The following ASAP1 variants were observed in gnomAD, a reference collection of about 807,000 sequenced individuals.
ASAP1 encodes the protein ArfGAP with SH3 domain, ankyrin repeat and PH domain 1.
ASAP1 carries 43 observed loss-of-function variants against 145.2 expected under a neutral mutation model. The ratio of observed to expected loss-of-function variants is 0.30; its 90% CI spans 0.23 to 0.38. The LOEUF is 0.38. Ranked by LOEUF, ASAP1 falls within the 10% of genes least tolerant of loss-of-function variation. The probability of loss-of-function intolerance (pLI) is 1.00; values close to 1 mark genes in which losing one functional copy is unlikely to be tolerated. For synonymous variants in ASAP1, 546 were observed against 515.5 expected, an observed-to-expected ratio of 1.06 and a Z score of -0.80; for missense variants, 1,018 against 1,355.3, an observed-to-expected ratio of 0.75 and a Z score of 3.91.
rs1314327418 is a variant in ASAP1 at position 130,358,489 on chromosome 8, G to T, written c.60-346C>A. ...GGCTGCGCGCGGGGTCTTCGCGGGG[G>T]TCTGGGCTCCGGCCGGCCGCTGGGG... is the stretch of plus-strand genomic sequence containing the variant. On this transcript the variant is annotated intron_variant, in intron 2 of 29. Coordinates refer to ENST00000518721, the MANE Select transcript of ASAP1 (RefSeq NM_018482.4). This position sits in a 1 kb window ranked among gnomAD's most constrained non-coding sequence, Gnocchi z 4.1. Among the ~76,000 whole-genome samples, 1 of 148,164 alleles carries T rather than the reference G, an allele frequency of 6.7e-6. No individual in the cohort carries two copies. Among genetic ancestry groups the T allele is most frequent in the African/African-American group, 2.4e-5 (1 of 41,012 alleles).
intron 1 of ASAP1, among the ~76,000 whole-genome samples, chr8:130,421,746 G>A (rs1829727369): frequency 6.6e-6 from 1 of 152,158 alleles, no homozygotes; most frequent in Admixed American, 6.5e-5. Context: ...CATTTCTTGT[G>A]TTTGAGCCAA....
chr8:130,352,890 A>C (rs1826084295), intron 3 of ASAP1, among the ~76,000 whole-genome samples: 1 of 152,244 alleles, frequency 6.6e-6, no homozygotes, highest in South Asian at 2.1e-4. Flanking sequence ...CCAGGTGAAT[A>C]CATTAAGAAA....
At position 130,183,410 on chromosome 8, in the gene ASAP1, G is replaced by A. The variant is rs1286299050; in HGVS notation, c.531-2530C>T. Among the ~76,000 whole-genome samples the A allele has an allele frequency of 2.0e-5, 3 of 151,898 alleles. No individual in the cohort carries two copies. In the East Asian group the frequency reaches 5.8e-4, roughly 29 times the overall value. On this transcript the variant is annotated intron_variant, in intron 7 of 29. Transcript: ENST00000518721. ...GGCTGGAGTGCAGTGGTCCGATCTC[G>A]GCTCACTACAACCTCTGCCTCCTGG...
chr8:130,110,342 T>C (rs2097544626), intron 24 of ASAP1, among the ~76,000 whole-genome samples: 1 of 152,214 alleles, frequency 6.6e-6, no homozygotes, highest in Non-Finnish European at 1.5e-5. Context: ...CCCACTGCTA[T>C]GTTGGTAACC....
intron 5 of ASAP1, among the ~76,000 whole-genome samples, chr8:130,189,806 T>C (rs1815012853): frequency 6.6e-6 from 1 of 152,248 alleles, no homozygotes. Context: ...CTCTGCATCC[T>C]TGCTAGCATC....
intron 3 of ASAP1, among the ~76,000 whole-genome samples, chr8:130,244,684 G>T (rs1818740337): frequency 1.3e-5 from 2 of 152,182 alleles, no homozygotes; most frequent in Admixed American, 6.5e-5. Context: ...GAAGAGCAAA[G>T]TTAAGTTTCA....
Position 130,205,591 on chromosome 8 carries a change from C to CTTTTT in ASAP1, c.405+8960_405+8964dup, listed in dbSNP as rs10679649. On this transcript the variant is annotated intron_variant, in intron 5 of 29. Coordinates refer to ENST00000518721, the MANE Select transcript of ASAP1 (RefSeq NM_018482.4). The stretch of plus-strand genomic sequence containing the variant: ...GCATATATATATATAAAATACACGG[C>CTTTTT]TTTTTTTTTTTTTTTTTTAGCTTAA... Among the ~76,000 whole-genome samples, 135 of 119,212 alleles carry CTTTTT rather than the reference C, an allele frequency of 1.1e-3. 3 individuals are homozygous for CTTTTT. Among genetic ancestry groups the CTTTTT allele is most frequent in the Non-Finnish European group, 1.6e-3 (97 of 59,032 alleles). The allele number at this position is 119,212 out of a possible 152,430, so 78.2% of individuals were successfully genotyped here. A position where few individuals can be genotyped will look rare whatever the true frequency, so the allele number is the denominator to read the frequency against.
intron 3 of ASAP1, among the ~76,000 whole-genome samples, chr8:130,355,996 G>C (rs892375756): frequency 6.6e-6 from 1 of 152,116 alleles, no homozygotes; most frequent in African/African-American, 2.4e-5. Flanking sequence ...TGAACTTCTA[G>C]CCTGGTTCCA....
intron 15 of ASAP1, 89 bp from the exon 16 acceptor site, chr8:130,128,179 A>G (rs2097578095): frequency 1.1e-6 from 1 of 944,736 alleles, no homozygotes; most frequent in African/African-American, 1.7e-5. Context: ...CTGCAAAAAA[A>G]AAAAATCTAC....
At chr8:130,231,006 T>C (rs1817880888) in intron 4 of ASAP1, among the ~76,000 whole-genome samples, 1 of 152,188 alleles carries the variant, frequency 6.6e-6, no homozygotes, top group Admixed American at 6.5e-5. Context: ...AATACTTAAC[T>C]AAAAAATAGC....
chr8:130,159,097 T>A (rs1380905114), intron 12 of ASAP1, among the ~76,000 whole-genome samples: 1 of 151,966 alleles, frequency 6.6e-6, no homozygotes, highest in Non-Finnish European at 1.5e-5. Context: ...AAAAGAAGAA[T>A]GAGCGATACA....
chr8:130,344,715 C>A (rs1316880774), intron 3 of ASAP1, among the ~76,000 whole-genome samples: 1 of 152,080 alleles, frequency 6.6e-6, no homozygotes, highest in African/African-American at 2.4e-5. Context: ...CCAGCCTGGG[C>A]AGCAGGGTGA....
At chr8:130,333,956 G>A (rs1417276485) in intron 3 of ASAP1, among the ~76,000 whole-genome samples, 1 of 152,188 alleles carries the variant, frequency 6.6e-6, no homozygotes. Flanking sequence ...GGAGCTGCAA[G>A]GACTGGGCTG....
chr8:130,351,978 T>A (rs1826022451), intron 3 of ASAP1, among the ~76,000 whole-genome samples: 1 of 152,228 alleles, frequency 6.6e-6, no homozygotes, highest in Admixed American at 6.5e-5. Context: ...ACAGATATAT[T>A]CACTCACTGA....
intron 13 of ASAP1, among the ~76,000 whole-genome samples, chr8:130,149,987 A>T (rs778036259): frequency 6.6e-6 from 1 of 152,190 alleles, no homozygotes; most frequent in Non-Finnish European, 1.5e-5. Context: ...TGATGTTTGT[A>T]GCAGGAGGGT....
intron 24 of ASAP1, among the ~76,000 whole-genome samples, chr8:130,096,583 A>G (rs367877901): frequency 1.3e-5 from 2 of 152,326 alleles, no homozygotes; most frequent in African/African-American, 2.4e-5. Context: ...CAAAGCTTCT[A>G]TGAATAAATC....
rs931722772 is a variant in ASAP1 at position 130,112,121 on chromosome 8, G to C, written c.2374C>G (p.Pro792Ala). Residue 792 changes from proline (P) to alanine (A), a missense_variant, in exon 24 of 30, where the codon CCT becomes GCT. Coordinates refer to ENST00000518721, the MANE Select transcript of ASAP1 (RefSeq NM_018482.4). ...TTCCCGGCGTTCCTAGGAGGCAGAG[G>C]GGGAGCCTCCGTGGTTGGTGATGTG... ...SPTSPTTEAP[P>A]LPPRNAGKGP... is the part of the protein sequence containing the mutation. 4 of 1,614,120 alleles carry C rather than the reference G, an allele frequency of 2.5e-6. No individual in the cohort carries two copies. Among genetic ancestry groups the C allele is most frequent in the Middle Eastern group, 1.7e-4 (1 of 6,060 alleles).
At chr8:130,070,562 A>G (rs1296493457) in intron 27 of ASAP1, among the ~76,000 whole-genome samples, 1 of 151,992 alleles carries the variant, frequency 6.6e-6, no homozygotes, top group African/African-American at 2.4e-5. Context: ...GCTTATGGCA[A>G]AAGTGTTTTG....
At chr8:130,292,728 G>GA (rs1391218622) in intron 3 of ASAP1, among the ~76,000 whole-genome samples, 18 of 150,274 alleles carry the variant, frequency 1.2e-4, no homozygotes, top group East Asian at 7.8e-4. Flanking sequence ...TGGTGAAAAG[G>GA]AAAAAAAAAG....
Sources: allele counts gnomAD v4.1 joint callset (sites outside exome capture counted in the v4.1 genomes callset), GRCh38; gene constraint gnomAD v4.1.1; non-coding constraint Gnocchi (gnomAD v3.1); transcripts MANE v1.5; gene names NCBI Gene and HGNC (gene_info 2026-07-23, HGNC 2026-07-21).